The following PRKG1 variants were observed in gnomAD, a reference collection of about 807,000 sequenced individuals.
PRKG1 encodes protein kinase cGMP-dependent 1, also known as cGMP-dependent protein kinase 1.
Under a neutral mutation model 88.1 loss-of-function variants are expected in PRKG1, and 35 were observed. The observed-to-expected ratio is 0.40, with a 90% CI of 0.30 to 0.53. The LOEUF (loss-of-function observed/expected upper bound fraction) is 0.53. Among genes scored for constraint, PRKG1 ranks in the 20% least tolerant of loss-of-function variants. The pLI is 0.59. For missense variants in PRKG1, 540 were observed against 839.8 expected (o/e 0.64, Z 4.41); for synonymous variants, 303 against 292.5 (o/e 1.04, Z -0.37).
At position 52,163,901 on chromosome 10, in the gene PRKG1, A is replaced by G. The variant is rs1838352713; in HGVS notation, c.1076+1938A>G. Among the ~76,000 whole-genome samples, 4 of 152,226 alleles carry G rather than the reference A, an allele frequency of 2.6e-5. No individual in the cohort carries two copies. The South Asian group carries it at 8.3e-4, about 32-fold the overall frequency. ...AAAAACATGAACCTGAATGAAGGCC[A>G]GAAGTCTTGGGTTCTGCTCCTGGCT... is the stretch of plus-strand genomic sequence containing the variant. On this transcript the variant is annotated intron_variant, in intron 9 of 17. Transcript: ENST00000373980.
chr10:51,321,751 A>G (rs1841462423), intron 2 of PRKG1, among the ~76,000 whole-genome samples: 1 of 152,190 alleles, frequency 6.6e-6, no homozygotes, highest in African/African-American at 2.4e-5. Flanking sequence ...AAATGACTAA[A>G]AGAGTATATT....
At chr10:51,314,728 A>G (rs750509099) in intron 2 of PRKG1, among the ~76,000 whole-genome samples, 3 of 152,252 alleles carry the variant, frequency 2.0e-5, no homozygotes, top group Non-Finnish European at 2.9e-5. Flanking sequence ...GAAATGAAAG[A>G]TGAGATTCTG....
intron 1 of PRKG1, among the ~76,000 whole-genome samples, chr10:51,065,445 A>G (rs1410146924): frequency 6.6e-6 from 1 of 152,118 alleles, no homozygotes; most frequent in East Asian, 1.9e-4. Context: ...CATAGTTACC[A>G]TGGGCCTTAA....
intron 5 of PRKG1, among the ~76,000 whole-genome samples, chr10:51,932,032 T>C (rs923829086): frequency 1.3e-5 from 2 of 152,154 alleles, no homozygotes; most frequent in African/African-American, 2.4e-5. Context: ...CTGACTAATA[T>C]GGAAATTTAG....
chr10:51,792,116 C>T (rs1838883688), intron 3 of PRKG1, among the ~76,000 whole-genome samples: 1 of 152,012 alleles, frequency 6.6e-6, no homozygotes, highest in African/African-American at 2.4e-5. Context: ...CTTGGAATAG[C>T]TTATCACTTT....
chr10:51,941,176 C>A lies in PRKG1; in HGVS notation c.762+33606C>A, dbSNP rs571883445. On this transcript the variant is annotated intron_variant, in intron 5 of 17. Coordinates refer to ENST00000373980, the MANE Select transcript of PRKG1 (RefSeq NM_006258.4). ...GCATATATGTATGGTTTAGGGATTT[C>A]TTTTCTTTTGTTCCATGTATTTTCT... is the stretch of plus-strand genomic sequence containing the variant. Among the ~76,000 whole-genome samples, 5 of 152,038 alleles carry A rather than the reference C, an allele frequency of 3.3e-5. No homozygotes were observed. In the South Asian group the frequency reaches 1.0e-3, roughly 32 times the overall value.
At chr10:51,595,893 G>A (rs1200382695) in intron 3 of PRKG1, among the ~76,000 whole-genome samples, 2 of 151,960 alleles carry the variant, frequency 1.3e-5, no homozygotes, top group Non-Finnish European at 2.9e-5. Flanking sequence ...GGAGTGCAGT[G>A]GCAGGATCTT....
chr10:51,993,745 T>A (rs1037080537), intron 5 of PRKG1, among the ~76,000 whole-genome samples: 2 of 152,206 alleles, frequency 1.3e-5, no homozygotes, highest in African/African-American at 4.8e-5. Context: ...CATCCTCATA[T>A]TGCTTCTCAG....
At chr10:51,342,641 T>C (rs931457004) in intron 2 of PRKG1, among the ~76,000 whole-genome samples, 2 of 152,178 alleles carry the variant, frequency 1.3e-5, no homozygotes, top group African/African-American at 4.8e-5. Context: ...AATTTTCATC[T>C]GAGTCACTTC....
At chr10:51,225,096 G>T (rs1039283122) in intron 2 of PRKG1, among the ~76,000 whole-genome samples, 3 of 152,214 alleles carry the variant, frequency 2.0e-5, no homozygotes, top group African/African-American at 7.2e-5. Context: ...AAACTGTGTA[G>T]CTTATAAACA....
At chr10:51,231,118 TA>T (rs1250383127) in intron 2 of PRKG1, among the ~76,000 whole-genome samples, 1 of 152,028 alleles carries the variant, frequency 6.6e-6, no homozygotes, top group Non-Finnish European at 1.5e-5. Flanking sequence ...CTTCAGGAGG[TA>T]AAAAGACTCT....
At chr10:51,101,770 T>C (rs1394917619) in intron 1 of PRKG1, among the ~76,000 whole-genome samples, 1 of 152,130 alleles carries the variant, frequency 6.6e-6, no homozygotes, top group East Asian at 1.9e-4. Flanking sequence ...TCAGACCAAA[T>C]AAAACTAAAA....
intron 9 of PRKG1, among the ~76,000 whole-genome samples, chr10:52,246,905 G>A (rs973487497): frequency 7.7e-5 from 11 of 143,246 alleles, no homozygotes; most frequent in Admixed American, 1.4e-4. Flanking sequence ...AAAAAGAGTC[G>A]CCTATAAGGA....
intron 9 of PRKG1, among the ~76,000 whole-genome samples, chr10:52,193,030 G>A (rs889856416): frequency 6.6e-6 from 1 of 152,130 alleles, no homozygotes; most frequent in Non-Finnish European, 1.5e-5. Context: ...TTGGCAGGAA[G>A]TGCAGTAGTT....
intron 4 of PRKG1, among the ~76,000 whole-genome samples, chr10:51,833,828 C>T (rs1008610504): frequency 2.6e-5 from 4 of 152,118 alleles, no homozygotes; most frequent in African/African-American, 4.8e-5. Context: ...TACTTGTTGA[C>T]CAATGTCTGC....
chr10:51,900,139 C>G (rs1420299438), intron 4 of PRKG1, among the ~76,000 whole-genome samples: 1 of 152,090 alleles, frequency 6.6e-6, no homozygotes, highest in African/African-American at 2.4e-5. Flanking sequence ...TCTATTATAG[C>G]AATGCAAAAC....
chr10:52,222,828 C>T (rs1189165885), intron 9 of PRKG1, among the ~76,000 whole-genome samples: 1 of 152,098 alleles, frequency 6.6e-6, no homozygotes, highest in South Asian at 2.1e-4. Context: ...AAACATATTG[C>T]CTTGTAGTAA....
chr10:52,099,433 C>T (rs1037003955), intron 7 of PRKG1, among the ~76,000 whole-genome samples: 1 of 152,078 alleles, frequency 6.6e-6, no homozygotes, highest in African/African-American at 2.4e-5. Flanking sequence ...TTAGAAAGAC[C>T]ACTTTGTCTT....
chr10:51,288,894 G>T (rs1315334821), intron 2 of PRKG1, among the ~76,000 whole-genome samples: 1 of 151,928 alleles, frequency 6.6e-6, no homozygotes, highest in Admixed American at 6.6e-5. Flanking sequence ...AATTTCTGGG[G>T]TGTTTCTATA....
Sources: gnomAD v4.1 joint callset for allele counts (sites outside exome capture counted in the v4.1 genomes callset) on GRCh38, gnomAD v4.1.1 for gene constraint, MANE v1.5 for transcripts, NCBI Gene and HGNC (gene_info 2026-07-23, HGNC 2026-07-21) for gene names.